Variants in SPAAR observed in about 807,000 individuals in gnomAD.
The protein encoded by SPAAR is long intergenic non-protein coding RNA 961.
For missense variants in SPAAR, 59 were observed against 39.9 expected (o/e 1.48, Z -1.29); for synonymous variants, 27 against 15.9 (o/e 1.70, Z -1.66).
Position 35,911,415 on chromosome 9 carries a change from A to G in SPAAR, c.*724A>G, listed in dbSNP as rs758281439. On this transcript the variant is annotated 3_prime_UTR_variant, in exon 2 of 2. Transcript: ENST00000443779. The stretch of plus-strand genomic sequence containing the variant: ...CTTTATTGCTATATTCCAACAGGTC[A>G]CTCCTATTCTTAGAGAATGTGAATG... 2.0e-5 allele frequency: 3 copies of G among 152,190 alleles called. No individual in the cohort carries two copies. The highest frequency in any genetic ancestry group is 6.5e-5 in the Admixed American group (1 of 15,284). 9.4% of individuals were successfully genotyped at this position (152,190 alleles called of 1,614,324 possible).
rs1833149911 is a variant in SPAAR, at chr9:35,910,242, G to A, written c.-222G>A. On this transcript the variant is annotated 5_prime_UTR_variant, in exon 2 of 2. Transcript: ENST00000443779. ...CACAGCTCTTGGAGGCATGGCCTGA[G>A]GCTTAGAAAATAGACAGAGATCATC... 6 of 590,066 alleles carry A rather than the reference G, an allele frequency of 1.0e-5. No individual in the cohort carries two copies. The highest frequency in any genetic ancestry group is 5.6e-5 in the East Asian group (2 of 35,494). The allele number at this position is 590,066 out of a possible 1,614,324, so 36.6% of individuals were successfully genotyped here.
In SPAAR at chr9:35,910,755, C is replaced by CCCTG; in HGVS notation, c.*65_*68dup. ...ACTCACCCGCTCCTCAGCAAGCCTT[C>CCCTG]CCTGGCCTTCCCCTCCTCCCAGGGC... On this transcript the variant is annotated 3_prime_UTR_variant, in exon 2 of 2. Coordinates refer to ENST00000443779, the MANE Select transcript of SPAAR (RefSeq NM_001348107.3). 1.6e-6 allele frequency: 1 copy of CCCTG among 631,390 alleles called. No homozygotes were observed. Among genetic ancestry groups the CCCTG allele is most frequent in the Non-Finnish European group, 2.9e-6 (1 of 349,778 alleles). 39.1% of individuals were successfully genotyped at this position (631,390 alleles called of 1,614,324 possible).
rs376497329 is a variant in SPAAR, at chr9:35,910,082, C to T, written c.-307-75C>T. The T allele has an allele frequency of 2.2e-4, 55 of 245,064 alleles. No homozygotes were observed. In the East Asian group the frequency reaches 4.3e-3, roughly 19 times the overall value. 15.2% of individuals were successfully genotyped at this position (245,064 alleles called of 1,614,324 possible). A position where few individuals can be genotyped will look rare whatever the true frequency, so the allele number is the denominator to read the frequency against. On this transcript the variant is annotated intron_variant, in intron 1 of 1. Coordinates refer to ENST00000443779, the MANE Select transcript of SPAAR (RefSeq NM_001348107.3). The stretch of plus-strand genomic sequence containing the variant: ...TGCTCTTGAAATCTGTAGGCGTCAC[C>T]GGAGGGCCAGCGCTGGCTAGGCTGT...
At position 35,911,645 on chromosome 9, in the gene SPAAR, T is replaced by C. The variant is rs544931579; in HGVS notation, c.*954T>C. ...GAGTTTGGTTTGAAGGGTGCAAAAT[T>C]GTGAGCCTCCTGGCTCTTATGTCTG... On this transcript the variant is annotated 3_prime_UTR_variant, in exon 2 of 2. Transcript: ENST00000443779. 1 of 152,302 alleles carries C rather than the reference T, an allele frequency of 6.6e-6. No individual in the cohort carries two copies. Among genetic ancestry groups the C allele is most frequent in the East Asian group, 1.9e-4 (1 of 5,180 alleles). The allele number at this position is 152,302 out of a possible 1,614,324, so 9.4% of individuals were successfully genotyped here.
chr9:35,910,630 C>T lies in SPAAR; in HGVS notation c.167C>T (p.Thr56Met), dbSNP rs1023998863. Residue 56 changes from threonine to methionine, a missense_variant, in exon 2 of 2, where the codon ACG becomes ATG. Thr to Met is a moderately conservative substitution (Grantham distance 81, BLOSUM62 -1). Transcript: ENST00000443779. ...TTTCGCCAGGAAGCTTCTCTCTTCA[C>T]GGGGCCTGTTCGCCATGCCCAGCCA... is the stretch of plus-strand genomic sequence containing the variant. The part of the protein sequence containing the change: ...ATFRQEASLF[T>M]GPVRHAQPVP... 14 of 702,808 alleles carry T rather than the reference C, an allele frequency of 2.0e-5. No homozygotes were observed. The highest frequency in any genetic ancestry group is 5.2e-5 in the African/African-American group (3 of 57,226). The allele number at this position is 702,808 out of a possible 1,614,324, so 43.5% of individuals were successfully genotyped here.
Position 35,910,950 on chromosome 9 carries a change from C to CT in SPAAR, c.*259_*260insT. 2.3e-6 allele frequency: 1 copy of CT among 443,668 alleles called. No homozygotes were observed. Among genetic ancestry groups the CT allele is most frequent in the Non-Finnish European group, 4.0e-6 (1 of 249,648 alleles). 27.5% of individuals were successfully genotyped at this position (443,668 alleles called of 1,614,324 possible). ...TGAGGAGTGAGTGAACAGACAGCGCCGGAGTGCACGGTGGGCCGGCTCTGC... is the reference window on the plus strand; with the variant it reads ...TGAGGAGTGAGTGAACAGACAGCGCCTGGAGTGCACGGTGGGCCGGCTCTGC... On this transcript the variant is annotated 3_prime_UTR_variant, in exon 2 of 2. Transcript: ENST00000443779.
chr9:35,910,915 A>C lies in SPAAR; in HGVS notation c.*224A>C, dbSNP rs1833159422. ...GGGGTTGACCCACAGGATGGGGCTT[A>C]GGAGAGCTCTGAGGAGTGAGTGAAC... On this transcript the variant is annotated 3_prime_UTR_variant, in exon 2 of 2. Transcript: ENST00000443779. The C allele has an allele frequency of 5.4e-6, 3 of 556,340 alleles. No individual in the cohort carries two copies. The Middle Eastern group carries it at 1.4e-3, about 261-fold the overall frequency. 34.5% of individuals were successfully genotyped at this position (556,340 alleles called of 1,614,324 possible).
rs986057467 is a variant in SPAAR, at chr9:35,911,584, C to G, written c.*893C>G. The G allele has an allele frequency of 2.6e-5, 4 of 152,184 alleles. No individual in the cohort carries two copies. The highest frequency in any genetic ancestry group is 2.0e-4 in the Admixed American group (3 of 15,274). 9.4% of individuals were successfully genotyped at this position (152,184 alleles called of 1,614,324 possible). On this transcript the variant is annotated 3_prime_UTR_variant, in exon 2 of 2. Transcript: ENST00000443779. ...TTTTATTAACAGAAAACCCATTCTC[C>G]CATGGCCATGGAATAAATGCCATGC...
At position 35,910,471 on chromosome 9, in the gene SPAAR, C is replaced by T. The variant is rs1054170032; in HGVS notation, c.8C>T (p.Thr3Met). The T allele has an allele frequency of 1.8e-5, 13 of 702,928 alleles. No individual in the cohort carries two copies. The highest frequency in any genetic ancestry group is 1.1e-4 in the East Asian group (4 of 37,288). The allele number at this position is 702,928 out of a possible 1,614,324, so 43.5% of individuals were successfully genotyped here. METAVIGVVVVLF... is the reference protein window; with the variant it reads MEMAVIGVVVVLF... ...AAGGTTGCTCAGTGGGCCATGGAAA[C>T]GGCAGTGATTGGGGTGGTGGTGGTG... The change falls in exon 2 of 2, where the codon ACG (threonine) becomes ATG (methionine). Residue 3 changes from threonine (T) to methionine (M), a missense_variant. Thr to Met is a moderately conservative substitution (Grantham distance 81, BLOSUM62 -1). Transcript: ENST00000443779.
In SPAAR at chr9:35,910,779, G is replaced by A. The variant is rs1008154275; in HGVS notation, c.*88G>A. 6 of 618,854 alleles carry A rather than the reference G, an allele frequency of 9.7e-6. No individual in the cohort carries two copies. The highest frequency in any genetic ancestry group is 1.8e-5 in the African/African-American group (1 of 54,426). 38.3% of individuals were successfully genotyped at this position (618,854 alleles called of 1,614,324 possible). Reference sequence around the variant, plus strand: ...TCCCTGGCCTTCCCCTCCTCCCAGGGCCTTCTCCCTGTCCTTCCCCTCCAG... The same window carrying A: ...TCCCTGGCCTTCCCCTCCTCCCAGGACCTTCTCCCTGTCCTTCCCCTCCAG... On this transcript the variant is annotated 3_prime_UTR_variant, in exon 2 of 2. Transcript: ENST00000443779.
intron 1 of SPAAR, 128 bp downstream of exon 1, chr9:35,909,692 TC>T (rs1833143663): frequency 6.6e-6 from 1 of 152,526 alleles, no homozygotes; most frequent in Non-Finnish European, 1.5e-5. Flanking sequence ...TTCCGGGACC[TC>T]CGGGTAAAGA....
At chr9:35,910,117 A>G in intron 1 of SPAAR, 40 bp from the exon 2 acceptor site, 1 of 337,250 alleles carries the variant, frequency 3.0e-6, no homozygotes, top group Non-Finnish European at 5.5e-6. Context: ...TCTCTGTGCA[A>G]CGTCTTCTGA....
chr9:35,910,388 A>G lies in SPAAR; in HGVS notation c.-76A>G, dbSNP rs927071142. On this transcript the variant is annotated 5_prime_UTR_variant, in exon 2 of 2. Coordinates refer to ENST00000443779, the MANE Select transcript of SPAAR (RefSeq NM_001348107.3). ...GAGAGCCGCCGGAGGAGCACGGGGCACCTGCGATCGCGAAGAGCCTCCTGT... is the reference window on the plus strand; with the variant it reads ...GAGAGCCGCCGGAGGAGCACGGGGCGCCTGCGATCGCGAAGAGCCTCCTGT... 4.3e-6 allele frequency: 3 copies of G among 697,136 alleles called. No individual in the cohort carries two copies. Among genetic ancestry groups the G allele is most frequent in the Non-Finnish European group, 7.9e-6 (3 of 382,096 alleles). 43.2% of individuals were successfully genotyped at this position (697,136 alleles called of 1,614,324 possible). A position where few individuals can be genotyped will look rare whatever the true frequency, so the allele number is the denominator to read the frequency against.
chr9:35,910,791 T>A lies in SPAAR; in HGVS notation c.*100T>A, dbSNP rs62635821. The A allele has an allele frequency of 0.056, 34,067 of 612,616 alleles. 1,173 individuals are homozygous for A. Among genetic ancestry groups the A allele is most frequent in the Admixed American group, 0.078 (2,787 of 35,556 alleles). 37.9% of individuals were successfully genotyped at this position (612,616 alleles called of 1,614,324 possible). On this transcript the variant is annotated 3_prime_UTR_variant, in exon 2 of 2. Coordinates refer to ENST00000443779, the MANE Select transcript of SPAAR (RefSeq NM_001348107.3). Reference sequence around the variant, plus strand: ...CCCTCCTCCCAGGGCCTTCTCCCTGTCCTTCCCCTCCAGTAACCTGTGAAC... The same window carrying A: ...CCCTCCTCCCAGGGCCTTCTCCCTGACCTTCCCCTCCAGTAACCTGTGAAC...
chr9:35,910,401 A>C lies in SPAAR; in HGVS notation c.-63A>C. ...GGAGCACGGGGCACCTGCGATCGCG[A>C]AGAGCCTCCTGTTCTGGATGGGAGC... On this transcript the variant is annotated 5_prime_UTR_variant, in exon 2 of 2. Coordinates refer to ENST00000443779, the MANE Select transcript of SPAAR (RefSeq NM_001348107.3). 1 of 700,644 alleles carries C rather than the reference A, an allele frequency of 1.4e-6. No individual in the cohort carries two copies. The highest frequency in any genetic ancestry group is 2.6e-6 in the Non-Finnish European group (1 of 383,696). 43.4% of individuals were successfully genotyped at this position (700,644 alleles called of 1,614,324 possible). A position where few individuals can be genotyped will look rare whatever the true frequency, so the allele number is the denominator to read the frequency against.
rs141915403 is a variant in SPAAR, at chr9:35,910,398, G to T, written c.-66G>T. ...GGAGGAGCACGGGGCACCTGCGATC[G>T]CGAAGAGCCTCCTGTTCTGGATGGG... is the stretch of plus-strand genomic sequence containing the variant. On this transcript the variant is annotated 5_prime_UTR_variant, in exon 2 of 2. Transcript: ENST00000443779. 529 of 699,682 alleles carry T rather than the reference G, an allele frequency of 7.6e-4. 1 individual carries two copies. The Middle Eastern group carries it at 8.0e-3, about 11-fold the overall frequency. 43.3% of individuals were successfully genotyped at this position (699,682 alleles called of 1,614,324 possible).
Position 35,910,595 on chromosome 9 carries a change from G to C in SPAAR, c.132G>C (p.Thr44=). 1.4e-6 allele frequency: 1 copy of C among 702,942 alleles called. No individual in the cohort carries two copies. The highest frequency in any genetic ancestry group is 2.6e-6 in the Non-Finnish European group (1 of 384,996). 43.5% of individuals were successfully genotyped at this position (702,942 alleles called of 1,614,324 possible). A position where few individuals can be genotyped will look rare whatever the true frequency, so the allele number is the denominator to read the frequency against. ...AGGGGGGTCCTGGCCGCAGCTTCAC[G>C]GTGGCCACGTTTCGCCAGGAAGCTT... is the stretch of plus-strand genomic sequence containing the variant. ...DPQGGPGRSF[T]VATFRQEASL... is the part of the protein sequence containing the mutation. The change falls in exon 2 of 2, where the codon ACG becomes ACC. Residue 44 remains threonine, a synonymous_variant. Transcript: ENST00000443779.
At chr9:35,910,128 C>A (rs1833148244) in intron 1 of SPAAR, 29 bp from the exon 2 acceptor site, 4 of 376,852 alleles carry the variant, frequency 1.1e-5, no homozygotes. Context: ...CGTCTTCTGA[C>A]CCCTCCTCTC....
chr9:35,909,982 C>T (rs1254280224), intron 1 of SPAAR, 175 bp from the exon 2 acceptor site: 1 of 160,888 alleles, frequency 6.2e-6, no homozygotes, highest in South Asian at 1.7e-4. Flanking sequence ...GGCCCAAGGT[C>T]CCTCCTGGGG....
Sources: allele counts gnomAD v4.1 joint callset, GRCh38; gene constraint gnomAD v4.1.1; transcripts MANE v1.5; gene names NCBI Gene and HGNC (gene_info 2026-07-23, HGNC 2026-07-21).